Variants in RETREG3 observed in about 807,000 individuals in gnomAD.
The protein encoded by RETREG3 is reticulophagy regulator 3.
A neutral mutation model predicts 50.2 loss-of-function variants in RETREG3; 23 were observed. The ratio of observed to expected loss-of-function variants is 0.46; its 90% CI spans 0.33 to 0.65. The LOEUF (loss-of-function observed/expected upper bound fraction) is 0.65, where lower values mean the gene tolerates loss of function less well. Ranked by LOEUF, RETREG3 falls within the 30% of genes least tolerant of loss-of-function variation. The pLI is 0.02. For missense variants in RETREG3, 546 were observed against 598.0 expected (o/e 0.91, Z 0.91); for synonymous variants, 240 against 234.4 (o/e 1.02, Z -0.22).
Position 42,609,160 on chromosome 17 carries a change from C to T in RETREG3, c.165G>A (p.Arg55=). The T allele has an allele frequency of 6.2e-7, 1 of 1,610,582 alleles. No homozygotes were observed. Among genetic ancestry groups the T allele is most frequent in the Non-Finnish European group, 8.5e-7 (1 of 1,179,920 alleles). ...VLGPYEPLLS[R]VQAALVWERP... ...GCTCCCACACCAGGGCTGCCTGCAC[C>T]CGACTCAGCAGAGGCTCGTAAGGCC... is the stretch of plus-strand genomic sequence containing the variant. The change falls in exon 1 of 9, where the codon CGG becomes CGA. Residue 55 remains arginine, a synonymous_variant. Coordinates refer to ENST00000309428, the MANE Select transcript of RETREG3 (RefSeq NM_178126.4).
chr17:42,589,201 C>T (rs752207937), intron 2 of RETREG3, among the ~76,000 whole-genome samples: 2 of 152,046 alleles, frequency 1.3e-5, no homozygotes, highest in South Asian at 2.1e-4. Flanking sequence ...ATGAACTACA[C>T]GATTCCTTGA....
In RETREG3 at chr17:42,592,055, C is replaced by A. The variant is rs771701049; in HGVS notation, c.346+1G>T. On this transcript the variant is annotated splice_donor_variant, in intron 2 of 8. Coordinates refer to ENST00000309428, the MANE Select transcript of RETREG3 (RefSeq NM_178126.4). LOFTEE classifies it high-confidence loss of function. Reference sequence around the variant, plus strand: ...ATTGTTCTAAATGCTACCAAACTCACCTTTTATTTCAGGCCAGATTTTGTT... The same window carrying A: ...ATTGTTCTAAATGCTACCAAACTCAACTTTTATTTCAGGCCAGATTTTGTT... 1.2e-6 allele frequency: 2 copies of A among 1,610,926 alleles called. No homozygotes were observed.
At chr17:42,599,938 G>C (rs569561802) in intron 1 of RETREG3, among the ~76,000 whole-genome samples, 6 of 152,066 alleles carry the variant, frequency 3.9e-5, no homozygotes, top group African/African-American at 1.4e-4. Flanking sequence ...AGGTTGCAGC[G>C]AGCCGTTATC....
chr17:42,586,574 G>A (rs917983896), intron 4 of RETREG3, 191 bp downstream of exon 4: 6 of 656,294 alleles, frequency 9.1e-6, no homozygotes, highest in African/African-American at 5.5e-5. Flanking sequence ...CACACCAAAT[G>A]AGCAGTCACC....
At chr17:42,605,921 G>A (rs887289961) in intron 1 of RETREG3, among the ~76,000 whole-genome samples, 1 of 150,684 alleles carries the variant, frequency 6.6e-6, no homozygotes, top group Non-Finnish European at 1.5e-5. Flanking sequence ...AACTTAGGAG[G>A]TGGAAGTTGC....
Position 42,585,160 on chromosome 17 carries a change from C to T in RETREG3, c.692G>A (p.Arg231His), listed in dbSNP as rs144875771. The T allele has an allele frequency of 5.1e-5, 82 of 1,613,630 alleles. No homozygotes were observed. In the African/African-American group the frequency reaches 7.6e-4, roughly 15 times the overall value. The change falls in exon 6 of 9, where the codon CGT (arginine) becomes CAT (histidine). Residue 231 changes from arginine to histidine, a missense_variant. By Grantham distance (29) the Arg-to-His change is conservative. Transcript: ENST00000309428. ...TCTCTGCTTGGACATCATGTAGCCA[C>T]GGACACTGAAGTCTAGCCGCTGCAG... The part of the protein sequence containing the change: ...PALQRLDFSV[R>H]GYMMSKQRER...
chr17:42,609,306 C>G lies in RETREG3; in HGVS notation c.19G>C (p.Val7Leu). ...GAAGCCGGGCCTGGGGTCGTGGGAA[C>G]CCCTTCGGCCTCAGCCATCTCCCCG... Reference protein sequence around the residue: MAEAEGVPTTPGPASGS... With the variant: MAEAEGLPTTPGPASGS... The change falls in exon 1 of 9, where the codon GTT becomes CTT. Residue 7 changes from valine to leucine, a missense_variant. By Grantham distance (32) the Val-to-Leu change is conservative (BLOSUM62 1). Transcript: ENST00000309428. The G allele has an allele frequency of 1.9e-6, 3 of 1,600,488 alleles. No individual in the cohort carries two copies. Among genetic ancestry groups the G allele is most frequent in the South Asian group, 2.2e-5 (2 of 90,994 alleles).
intron 1 of RETREG3, among the ~76,000 whole-genome samples, chr17:42,603,365 A>G (rs1298046102): frequency 6.6e-6 from 1 of 152,206 alleles, no homozygotes; most frequent in Non-Finnish European, 1.5e-5. Context: ...TTCTACAGGG[A>G]CAGAAAGCCT....
chr17:42,581,896 T>A lies in RETREG3; in HGVS notation c.1318A>T (p.Thr440Ser). 6.2e-7 allele frequency: 1 copy of A among 1,614,056 alleles called. No homozygotes were observed. The highest frequency in any genetic ancestry group is 8.5e-7 in the Non-Finnish European group (1 of 1,179,942). ...FLRSPSSDLD[T>S]DAEGDDFELL... ...TCAAAGTCATCCCCCTCAGCATCAG[T>A]GTCCAGGTCTGAACTGGGGGACCGG... is the stretch of plus-strand genomic sequence containing the variant. Residue 440 changes from threonine to serine, a missense_variant, in exon 9 of 9, where the codon ACT becomes TCT. Coordinates refer to ENST00000309428, the MANE Select transcript of RETREG3 (RefSeq NM_178126.4).
intron 5 of RETREG3, 152 bp from the exon 6 acceptor site, chr17:42,585,414 A>G (rs1434492851): frequency 1.7e-6 from 2 of 1,166,842 alleles, no homozygotes; most frequent in Non-Finnish European, 2.4e-6. Context: ...AGTCTCCCCT[A>G]CACATGAAGG....
At chr17:42,593,266 G>A (rs890223640) in intron 1 of RETREG3, among the ~76,000 whole-genome samples, 1 of 152,026 alleles carries the variant, frequency 6.6e-6, no homozygotes, top group Non-Finnish European at 1.5e-5. Flanking sequence ...CTGCAAGGGC[G>A]GTTTAACATA....
chr17:42,598,074 C>T (rs1056733240), intron 1 of RETREG3, among the ~76,000 whole-genome samples: 27 of 146,174 alleles, frequency 1.8e-4, no homozygotes, highest in Admixed American at 1.3e-3. Flanking sequence ...CTCCATCTCT[C>T]GGGTTCATGC....
intron 1 of RETREG3, among the ~76,000 whole-genome samples, chr17:42,602,044 C>T (rs1016145827): frequency 6.6e-6 from 1 of 152,114 alleles, no homozygotes; most frequent in African/African-American, 2.4e-5. Context: ...TGGTCGGGCA[C>T]CGTAGCTCAC....
intron 1 of RETREG3, among the ~76,000 whole-genome samples, chr17:42,605,630 T>C (rs2093166493): frequency 6.6e-6 from 1 of 152,018 alleles, no homozygotes; most frequent in Admixed American, 6.6e-5. Flanking sequence ...GACTTAACAG[T>C]ATCTGTGCCT....
At chr17:42,607,827 A>C (rs1346989045) in intron 1 of RETREG3, among the ~76,000 whole-genome samples, 1 of 151,860 alleles carries the variant, frequency 6.6e-6, no homozygotes, top group Admixed American at 6.6e-5. Flanking sequence ...AAAAGGGAAA[A>C]AGCACTACCA....
chr17:42,586,332 G>A (rs890157746), intron 4 of RETREG3, 195 bp from the exon 5 acceptor site: 1 of 583,766 alleles, frequency 1.7e-6, no homozygotes, highest in Non-Finnish European at 3.0e-6. Flanking sequence ...CCTTTTACAT[G>A]GCTAACCCCA....
At chr17:42,604,233 C>T (rs1339571807) in intron 1 of RETREG3, among the ~76,000 whole-genome samples, 1 of 151,916 alleles carries the variant, frequency 6.6e-6, no homozygotes. Flanking sequence ...ATAATAACCT[C>T]CTAGAAATAC....
intron 1 of RETREG3, among the ~76,000 whole-genome samples, chr17:42,596,174 G>A (rs2093144006): frequency 6.6e-6 from 1 of 150,762 alleles, no homozygotes; most frequent in Non-Finnish European, 1.5e-5. Flanking sequence ...TTCGAGACCA[G>A]CCTGGACAAT....
At chr17:42,595,342 G>C (rs1006175465) in intron 1 of RETREG3, among the ~76,000 whole-genome samples, 1 of 151,224 alleles carries the variant, frequency 6.6e-6, no homozygotes, top group African/African-American at 2.4e-5. Flanking sequence ...CCCTGACCTC[G>C]TGATCCTACC....
Sources: gnomAD v4.1 joint callset for allele counts (sites outside exome capture counted in the v4.1 genomes callset) on GRCh38, gnomAD v4.1.1 for gene constraint, MANE v1.5 for transcripts, NCBI Gene and HGNC (gene_info 2026-07-23, HGNC 2026-07-21) for gene names.